MACROD2: variants seen among roughly 807,000 people sequenced by gnomAD.
MACROD2 encodes the protein ADP-ribose glycohydrolase MACROD2.
A neutral mutation model predicts 70.4 loss-of-function variants in MACROD2; 36 were observed. That is an observed-to-expected ratio of 0.51 (90% CI 0.39 to 0.68). The LOEUF (loss-of-function observed/expected upper bound fraction) is 0.68, where lower values mean the gene tolerates loss of function less well. MACROD2 is among the 30% of genes least tolerant of loss of function. The probability of loss-of-function intolerance (pLI) is 0.00; values close to 1 mark genes in which losing one functional copy is unlikely to be tolerated. For synonymous variants in MACROD2, 172 were observed against 178.8 expected (o/e 0.96, Z 0.30); for missense variants, 496 against 538.4 (o/e 0.92, Z 0.78).
chr20:14,241,852 A>T (rs1256252248), intron 3 of MACROD2, among the ~76,000 whole-genome samples: 2 of 152,184 alleles, frequency 1.3e-5, no homozygotes, highest in African/African-American at 4.8e-5. Context: ...CTTGTCTAAT[A>T]CTATTCTTTT....
chr20:15,743,936 C>CT (rs1568536472), intron 8 of MACROD2, among the ~76,000 whole-genome samples: 3 of 152,074 alleles, frequency 2.0e-5, no homozygotes, highest in African/African-American at 7.2e-5. Flanking sequence ...AAAGGAATGC[C>CT]TGTGTAACTA....
At chr20:15,919,259 A>T (rs1213656646) in intron 10 of MACROD2, among the ~76,000 whole-genome samples, 1 of 152,220 alleles carries the variant, frequency 6.6e-6, no homozygotes, top group Non-Finnish European at 1.5e-5. Flanking sequence ...GTACCATTGT[A>T]CATACTGGCA....
chr20:14,391,608 C>A (rs1202565461), intron 3 of MACROD2, among the ~76,000 whole-genome samples: 2 of 151,386 alleles, frequency 1.3e-5, no homozygotes, highest in Non-Finnish European at 1.5e-5. Context: ...CACATGTATC[C>A]CTGACTTAAA....
intron 7 of MACROD2, among the ~76,000 whole-genome samples, chr20:15,475,848 C>G (rs1283127188): frequency 6.6e-6 from 1 of 152,238 alleles, no homozygotes; most frequent in African/African-American, 2.4e-5. Context: ...AACATTCAAT[C>G]CCACTATTCT....
chr20:14,003,583 C>T (rs762222691), intron 2 of MACROD2: 4 of 408,264 alleles, frequency 9.8e-6, no homozygotes, highest in African/African-American at 2.1e-5. Flanking sequence ...GAAGCCCCTG[C>T]CTGATCACGT....
At chr20:15,253,286 G>A (rs1039203656) in intron 6 of MACROD2, among the ~76,000 whole-genome samples, 1 of 152,156 alleles carries the variant, frequency 6.6e-6, no homozygotes, top group African/African-American at 2.4e-5. Flanking sequence ...AAATTGCATA[G>A]TTGTAATTAA....
At chr20:14,856,801 A>G (rs1271024657) in intron 5 of MACROD2, among the ~76,000 whole-genome samples, 7 of 152,092 alleles carry the variant, frequency 4.6e-5, no homozygotes. Flanking sequence ...TGAAGAGACT[A>G]GATTTGGGAT....
At chr20:15,653,936 A>G (rs16996274) in intron 8 of MACROD2, among the ~76,000 whole-genome samples, 1,901 of 152,242 alleles carry the variant, frequency 0.012, 30 homozygotes, top group African/African-American at 0.044. Flanking sequence ...CCAATGGAAG[A>G]AAAGCAGAGG....
chr20:14,767,631 T>A (rs1388821211), intron 5 of MACROD2, among the ~76,000 whole-genome samples: 1 of 151,992 alleles, frequency 6.6e-6, no homozygotes, highest in African/African-American at 2.4e-5. Context: ...TCTAATTTAC[T>A]TTCTTTCTTT....
chr20:15,626,994 T>C (rs2049213361), intron 8 of MACROD2, among the ~76,000 whole-genome samples: 1 of 151,970 alleles, frequency 6.6e-6, no homozygotes, highest in Admixed American at 6.6e-5. Flanking sequence ...GAGAGAGAGA[T>C]GCTAACAGAG....
At chr20:15,035,027 A>G (rs1478526608) in intron 5 of MACROD2, among the ~76,000 whole-genome samples, 2 of 152,132 alleles carry the variant, frequency 1.3e-5, no homozygotes, top group Non-Finnish European at 2.9e-5. Context: ...TTTGATATGC[A>G]TTCATGCTTA....
At chr20:14,714,140 T>C (rs1312087771) in intron 5 of MACROD2, among the ~76,000 whole-genome samples, 4 of 152,156 alleles carry the variant, frequency 2.6e-5, no homozygotes, top group African/African-American at 9.7e-5. Flanking sequence ...AGTGCCAGCA[T>C]AGACTGAGCC....
chr20:14,326,268 A>G lies in MACROD2; in HGVS notation c.272-167211A>G, dbSNP rs2082733353. 5.0e-6 allele frequency: 8 copies of G among 1,613,910 alleles called. No individual in the cohort carries two copies. Among genetic ancestry groups the G allele is most frequent in the Non-Finnish European group, 6.8e-6 (8 of 1,179,864 alleles). On this transcript the variant is annotated intron_variant, in intron 3 of 17. Coordinates refer to ENST00000684519, the MANE Select transcript of MACROD2 (RefSeq NM_001351661.2). The surrounding 1 kb of genome is among the most constrained non-coding windows in gnomAD (Gnocchi z 5.5). ...TATCAGAGGTGACAGACTTCACAGT[A>G]ATTGTAATTGTTTTTCTTGAGGGAC...
At chr20:14,059,530 CTA>C (rs1336025618) in intron 2 of MACROD2, among the ~76,000 whole-genome samples, 1 of 152,050 alleles carries the variant, frequency 6.6e-6, no homozygotes, top group East Asian at 1.9e-4. Flanking sequence ...CGGATTAAGG[CTA>C]TGTTAGGTTG....
chr20:15,478,087 A>G (rs770189254), intron 7 of MACROD2, among the ~76,000 whole-genome samples: 3 of 152,202 alleles, frequency 2.0e-5, no homozygotes, highest in Non-Finnish European at 2.9e-5. Flanking sequence ...ATTTCAGAAT[A>G]TTGGCCTGCA....
At chr20:15,974,430 A>G (rs946111706) in intron 13 of MACROD2, among the ~76,000 whole-genome samples, 1 of 152,218 alleles carries the variant, frequency 6.6e-6, no homozygotes, top group African/African-American at 2.4e-5. Context: ...AAAAGGCTAC[A>G]TATTGTATGA....
chr20:15,690,200 G>A (rs963973820), intron 8 of MACROD2, among the ~76,000 whole-genome samples: 1 of 152,220 alleles, frequency 6.6e-6, no homozygotes, highest in Non-Finnish European at 1.5e-5. Flanking sequence ...CACAGGTGAA[G>A]GCAGATGAAT....
intron 5 of MACROD2, among the ~76,000 whole-genome samples, chr20:14,844,618 C>A (rs1010437777): frequency 1.3e-5 from 2 of 152,044 alleles, no homozygotes; most frequent in African/African-American, 4.8e-5. Context: ...TTCTTGTTTT[C>A]TTTTTCCTAC....
rs551029287 is a variant in MACROD2, at chr20:15,968,333, A to G, written c.985+703A>G. On this transcript the variant is annotated intron_variant, in intron 13 of 17. Coordinates refer to ENST00000684519, the MANE Select transcript of MACROD2 (RefSeq NM_001351661.2). ...CAGAGCTCAAAAGGGCACAGTTTCC[A>G]TAGTTAATGAAGTTATTATTTATAC... is the stretch of plus-strand genomic sequence containing the variant. 9.2e-5 allele frequency among the ~76,000 whole-genome samples: 14 copies of G among 152,308 alleles called. No individual in the cohort carries two copies. In the South Asian group the frequency reaches 2.5e-3, roughly 27 times the overall value.
Sources: gnomAD v4.1 joint callset for allele counts (sites outside exome capture counted in the v4.1 genomes callset) on GRCh38, gnomAD v4.1.1 for gene constraint, Gnocchi (gnomAD v3.1) non-coding constraint, MANE v1.5 for transcripts, NCBI Gene and HGNC (gene_info 2026-07-23, HGNC 2026-07-21) for gene names.